Variants in FOXN3 observed in about 807,000 individuals in gnomAD.
FOXN3 encodes the protein forkhead box N3, also known as forkhead box protein N3.
In FOXN3, 7 loss-of-function variants were observed where a neutral mutation model predicts 38.4. That is an observed-to-expected ratio of 0.18 (90% CI 0.10 to 0.34). FOXN3 has a LOEUF of 0.34. FOXN3 is among the 10% of genes least tolerant of loss of function. The pLI is 1.00. For missense variants in FOXN3, 456 were observed against 613.4 expected, an observed-to-expected ratio of 0.74 and a Z score of 2.71; for synonymous variants, 230 against 242.2, an observed-to-expected ratio of 0.95 and a Z score of 0.47.
chr14:89,194,519 C>G (rs1483125714), intron 4 of FOXN3, among the ~76,000 whole-genome samples: 1 of 152,110 alleles, frequency 6.6e-6, no homozygotes, highest in Non-Finnish European at 1.5e-5. Flanking sequence ...GTCCTGGACT[C>G]TCTGCTAGAA....
chr14:89,358,371 G>A (rs1889320469), intron 2 of FOXN3, among the ~76,000 whole-genome samples: 1 of 152,222 alleles, frequency 6.6e-6, no homozygotes, highest in South Asian at 2.1e-4. Flanking sequence ...GCTGGGTCCT[G>A]TGGGATGGGT....
rs117767797 is a variant in FOXN3 at position 89,239,272 on chromosome 14, G to T, written c.745+41678C>A. ...ATTAGGAGGTTCCCATCTCTTCTTT[G>T]GAAGTCTTATTTCAGCCATCCATCT... is the stretch of plus-strand genomic sequence containing the variant. On this transcript the variant is annotated intron_variant, in intron 4 of 5. Coordinates refer to ENST00000557258, the MANE Select transcript of FOXN3 (RefSeq NM_005197.4). 2.0e-3 allele frequency among the ~76,000 whole-genome samples: 312 copies of T among 152,232 alleles called. 9 individuals are homozygous for T. Among genetic ancestry groups the T allele is most frequent in the Admixed American group, 0.016 (240 of 15,286 alleles).
At chr14:89,509,468 G>A (rs1464629105) in intron 1 of FOXN3, among the ~76,000 whole-genome samples, 2 of 152,176 alleles carry the variant, frequency 1.3e-5, no homozygotes, top group African/African-American at 4.8e-5. Context: ...CCAAGTAGGT[G>A]GGATTACAGG....
intron 4 of FOXN3, among the ~76,000 whole-genome samples, chr14:89,272,426 G>A (rs1040514453): frequency 1.3e-5 from 2 of 152,022 alleles, no homozygotes; most frequent in Non-Finnish European, 2.9e-5. Context: ...AAAGGTATAG[G>A]TATTACATGT....
intron 1 of FOXN3, among the ~76,000 whole-genome samples, chr14:89,442,468 A>G (rs1566657796): frequency 6.6e-6 from 1 of 152,210 alleles, no homozygotes; most frequent in Non-Finnish European, 1.5e-5. Flanking sequence ...GAGGTCTCCT[A>G]TAACTGCACC....
At chr14:89,296,085 A>G (rs1344895944) in intron 3 of FOXN3, among the ~76,000 whole-genome samples, 1 of 152,170 alleles carries the variant, frequency 6.6e-6, no homozygotes, top group Non-Finnish European at 1.5e-5. Context: ...CTTTTCTGTG[A>G]TTTCTTGATT....
chr14:89,592,450 C>T (rs1895976813), intron 1 of FOXN3, among the ~76,000 whole-genome samples: 1 of 151,374 alleles, frequency 6.6e-6, no homozygotes, highest in Admixed American at 6.6e-5. Flanking sequence ...ATCATGAAAT[C>T]TCACACCGGG....
intron 3 of FOXN3, among the ~76,000 whole-genome samples, chr14:89,336,609 G>A (rs1414776206): frequency 6.6e-6 from 1 of 152,150 alleles, no homozygotes; most frequent in Non-Finnish European, 1.5e-5. Context: ...TTATAGGCAC[G>A]TGATAGCCTC....
At chr14:89,355,218 A>C (rs1281777262) in intron 2 of FOXN3, 2 of 150,856 alleles carry the variant, frequency 1.3e-5, no homozygotes, top group Non-Finnish European at 3.0e-5. Context: ...AAAAAAAAAA[A>C]AGTAATTTTT....
At chr14:89,413,295 TC>T (rs918091569) in intron 1 of FOXN3, among the ~76,000 whole-genome samples, 3 of 152,052 alleles carry the variant, frequency 2.0e-5, no homozygotes, top group Non-Finnish European at 2.9e-5. Flanking sequence ...AGGTTTTAAT[TC>T]CCCCCACAAA....
intron 2 of FOXN3, among the ~76,000 whole-genome samples, chr14:89,392,954 G>A (rs1271358665): frequency 1.3e-5 from 2 of 151,748 alleles, no homozygotes; most frequent in African/African-American, 2.4e-5. Flanking sequence ...CTACAGGCAC[G>A]TACCACCACG....
intron 2 of FOXN3, among the ~76,000 whole-genome samples, chr14:89,384,834 G>A (rs1294144676): frequency 6.6e-6 from 1 of 152,186 alleles, no homozygotes; most frequent in African/African-American, 2.4e-5. Flanking sequence ...AGAAGGATAA[G>A]GTCATGACTA....
intron 1 of FOXN3, among the ~76,000 whole-genome samples, chr14:89,474,191 T>A (rs1177105101): frequency 6.6e-6 from 1 of 152,236 alleles, no homozygotes; most frequent in African/African-American, 2.4e-5. Flanking sequence ...GCCATTTTAG[T>A]GGCCAAAATA....
Position 89,396,224 on chromosome 14 carries a change from C to A in FOXN3, c.543+15710G>T, listed in dbSNP as rs1891095120. Among the ~76,000 whole-genome samples the A allele has an allele frequency of 2.0e-5, 3 of 152,064 alleles. No individual in the cohort carries two copies. The South Asian group carries it at 6.2e-4, about 32-fold the overall frequency. The stretch of plus-strand genomic sequence containing the variant: ...ATAAAAACTGAGTATATTCAGTGAC[C>A]CAAACTAAGATGTAGGAAGGAAAAC... On this transcript the variant is annotated intron_variant, in intron 2 of 5. Coordinates refer to ENST00000557258, the MANE Select transcript of FOXN3 (RefSeq NM_005197.4).
At chr14:89,544,075 AT>A (rs201863618) in intron 1 of FOXN3, among the ~76,000 whole-genome samples, 1 of 151,504 alleles carries the variant, frequency 6.6e-6, no homozygotes, top group South Asian at 2.1e-4. Flanking sequence ...TTTTAGCTGC[AT>A]TTTTTTTAAG....
intron 4 of FOXN3, among the ~76,000 whole-genome samples, chr14:89,218,158 G>A (rs117461784): frequency 0.015 from 2,268 of 152,194 alleles, 26 homozygotes; most frequent in Middle Eastern, 0.031. Flanking sequence ...GCCCCTCTCC[G>A]CCATGCCTGC....
intron 3 of FOXN3, among the ~76,000 whole-genome samples, chr14:89,343,309 T>C (rs11846077): frequency 0.2 from 29,809 of 151,990 alleles, 3,136 homozygotes; most frequent in South Asian, 0.38. Flanking sequence ...AACACCTCAG[T>C]ACCTTCCCCA....
intron 4 of FOXN3, among the ~76,000 whole-genome samples, chr14:89,236,088 T>C (rs896495203): frequency 6.6e-6 from 1 of 152,128 alleles, no homozygotes; most frequent in Non-Finnish European, 1.5e-5. Flanking sequence ...CTATGAAAAA[T>C]ACATTCCTTT....
chr14:89,539,692 T>A (rs990956760), intron 1 of FOXN3, among the ~76,000 whole-genome samples: 2 of 152,176 alleles, frequency 1.3e-5, no homozygotes, highest in Non-Finnish European at 2.9e-5. Context: ...GGTGTATTTA[T>A]TGAGAAATTC....
Sources: allele counts gnomAD v4.1 joint callset (sites outside exome capture counted in the v4.1 genomes callset), GRCh38; gene constraint gnomAD v4.1.1; transcripts MANE v1.5; gene names NCBI Gene and HGNC (gene_info 2026-07-23, HGNC 2026-07-21).